RPGRIP1: variants seen among roughly 807,000 people sequenced by gnomAD.
The protein encoded by RPGRIP1 is RPGR interacting protein 1.
In RPGRIP1, 128 loss-of-function variants were observed where a neutral mutation model predicts 157.9. That is an observed-to-expected ratio of 0.81 (90% CI 0.70 to 0.94). The LOEUF (loss-of-function observed/expected upper bound fraction) is 0.94. Ranked by LOEUF, RPGRIP1 falls within the 40% of genes least tolerant of loss-of-function variation. The pLI is 0.00. For synonymous variants in RPGRIP1, 554 were observed against 571.6 expected (o/e 0.97, Z 0.44); for missense variants, 1,486 against 1,545.8 (o/e 0.96, Z 0.65).
rs1437116017 is a variant in RPGRIP1 at position 21,327,776 on chromosome 14, C to T, written c.2864C>T (p.Ser955Phe). ...KDTKDSSKIS[S>F]EEEKASFPSQ... Reference sequence around the variant, plus strand: ...ACCAAGGACAGTTCAAAGATCTCATCTGAAGAGGAAAAGGCTTCATTTCCT... The same window carrying T: ...ACCAAGGACAGTTCAAAGATCTCATTTGAAGAGGAAAAGGCTTCATTTCCT... The change falls in exon 18 of 25, where the codon TCT (serine) becomes TTT (phenylalanine). Residue 955 changes from serine to phenylalanine, a missense_variant. Ser to Phe is a radical substitution (Grantham distance 155). Transcript: ENST00000400017. 2 of 1,606,540 alleles carry T rather than the reference C, an allele frequency of 1.2e-6. No homozygotes were observed. Among genetic ancestry groups the T allele is most frequent in the Non-Finnish European group, 1.7e-6 (2 of 1,176,364 alleles).
chr14:21,310,779 A>G, intron 8 of RPGRIP1, 172 bp downstream of exon 8: 1 of 669,412 alleles, frequency 1.5e-6, no homozygotes, highest in Non-Finnish European at 2.8e-6. Context: ...CAAAAGATAC[A>G]GATACTTATT....
At chr14:21,280,873 G>A (rs992288814) in intron 1 of RPGRIP1, among the ~76,000 whole-genome samples, 3 of 152,070 alleles carry the variant, frequency 2.0e-5, no homozygotes, top group African/African-American at 7.2e-5. Context: ...GCTCAGAAAT[G>A]TATCCACTAT....
At chr14:21,296,740 A>G (rs1880798993) in intron 3 of RPGRIP1, among the ~76,000 whole-genome samples, 1 of 151,818 alleles carries the variant, frequency 6.6e-6, no homozygotes. Context: ...GTGGATCACG[A>G]GGTCAGGAGT....
chr14:21,301,693 A>AATG (rs1402360977), intron 4 of RPGRIP1, among the ~76,000 whole-genome samples: 1 of 101,744 alleles, frequency 9.8e-6, no homozygotes, highest in Non-Finnish European at 2.0e-5. Context: ...TAATAATAAT[A>AATG]ATAATAATAA....
rs760298998 is a variant in RPGRIP1 at position 21,318,140 on chromosome 14, CTT to C, written c.1306+291_1306+292del. On this transcript the variant is annotated intron_variant, in intron 11 of 24. Transcript: ENST00000400017. The stretch of plus-strand genomic sequence containing the variant: ...TTTGTTTTTGAGGTGGAGTTTCGCT[CTT>C]GTTGCTCAGGCTCGAGTGCAATGGC... The C allele has an allele frequency of 8.1e-4, 443 of 546,608 alleles. 17 individuals are homozygous for C. The highest frequency in any genetic ancestry group is 6.6e-3 in the South Asian group (430 of 65,138). The allele number at this position is 546,608 out of a possible 1,614,324, so 33.9% of individuals were successfully genotyped here. A position where few individuals can be genotyped will look rare whatever the true frequency, so the allele number is the denominator to read the frequency against.
At chr14:21,340,034 C>T (rs1215347696) in intron 21 of RPGRIP1, among the ~76,000 whole-genome samples, 3 of 151,974 alleles carry the variant, frequency 2.0e-5, no homozygotes, top group Admixed American at 1.3e-4. Flanking sequence ...GAGGAGGGGA[C>T]GTTTGAACTG....
intron 3 of RPGRIP1, among the ~76,000 whole-genome samples, chr14:21,300,705 C>CATTTTTTTTTTT (rs1378187329): frequency 1.4e-5 from 1 of 73,502 alleles, no homozygotes; most frequent in African/African-American, 5.5e-5. Context: ...AGTGGCTCAA[C>CATTTTTTTTTTT]TTTTTTTTTT....
At chr14:21,303,236 A>G in intron 5 of RPGRIP1, 95 bp from the exon 6 acceptor site, 1 of 807,690 alleles carries the variant, frequency 1.2e-6, no homozygotes, top group East Asian at 2.7e-5. Context: ...GACATGTACC[A>G]AGGTTACTGA....
At chr14:21,292,119 T>G (rs1488463543) in intron 2 of RPGRIP1, among the ~76,000 whole-genome samples, 1 of 152,020 alleles carries the variant, frequency 6.6e-6, no homozygotes, top group Non-Finnish European at 1.5e-5. Context: ...CTCAAACTCC[T>G]GAACTCAAGC....
chr14:21,291,759 CTGTTTTT>C (rs1401893349), intron 2 of RPGRIP1, among the ~76,000 whole-genome samples: 5 of 151,688 alleles, frequency 3.3e-5, no homozygotes, highest in African/African-American at 9.7e-5. Context: ...TTTTTGTTTT[CTGTTTTT>C]TGTTTTTTGT....
Position 21,297,834 on chromosome 14 carries a change from ATTCT to A in RPGRIP1, c.218+3068_218+3071del, listed in dbSNP as rs55920234. On this transcript the variant is annotated intron_variant, in intron 3 of 24. Transcript: ENST00000400017. ...CTATGTTTCGGTATCTCAATAAATT[ATTCT>A]TTCTTTCTTTCTTTCTTTCTTTCTT... Among the ~76,000 whole-genome samples, 212 of 133,324 alleles carry A rather than the reference ATTCT, an allele frequency of 1.6e-3. 1 individual carries two copies. Among genetic ancestry groups the A allele is most frequent in the Middle Eastern group, 3.6e-3 (1 of 276 alleles). 87.5% of individuals were successfully genotyped at this position (133,324 alleles called of 152,430 possible).
chr14:21,308,707 T>G (rs202189569), intron 7 of RPGRIP1, among the ~76,000 whole-genome samples: 1 of 151,914 alleles, frequency 6.6e-6, no homozygotes, highest in East Asian at 1.9e-4. Flanking sequence ...CGGAAGAAGC[T>G]CCCCTGTACT....
chr14:21,314,729 A>AC (rs1053938652), intron 10 of RPGRIP1, among the ~76,000 whole-genome samples: 1 of 150,476 alleles, frequency 6.6e-6, no homozygotes, highest in African/African-American at 2.4e-5. Context: ...AAAAAAAAAA[A>AC]ATAGCCGGGC....
chr14:21,341,458 G>A (rs568847236), intron 21 of RPGRIP1, among the ~76,000 whole-genome samples: 2 of 152,168 alleles, frequency 1.3e-5, no homozygotes, highest in Non-Finnish European at 2.9e-5. Context: ...GAAAAGATGG[G>A]GTAAGAGCCG....
chr14:21,293,273 A>G (rs1341708099), intron 2 of RPGRIP1, among the ~76,000 whole-genome samples: 2 of 152,196 alleles, frequency 1.3e-5, no homozygotes, highest in African/African-American at 4.8e-5. Context: ...GCTTAGACCA[A>G]GCAGAGGCTC....
Position 21,345,121 on chromosome 14 carries a change from C to T in RPGRIP1, c.3541C>T (p.Leu1181=). The change falls in exon 23 of 25, where the codon CTG becomes TTG. Residue 1181 remains leucine, a synonymous_variant. Coordinates refer to ENST00000400017, the MANE Select transcript of RPGRIP1 (RefSeq NM_020366.4). ...IHFHFSKVID[L]DPQEQQGRRR... ...TCTTACCCTTAATACAGTAATAGAC[C>T]TGGACCCACAGGAGCAGCAAGGCCG... 1 of 1,611,424 alleles carries T rather than the reference C, an allele frequency of 6.2e-7. No homozygotes were observed. The highest frequency in any genetic ancestry group is 8.5e-7 in the Non-Finnish European group (1 of 1,177,676).
At chr14:21,309,632 G>A (rs1027714565) in intron 7 of RPGRIP1, among the ~76,000 whole-genome samples, 2 of 152,140 alleles carry the variant, frequency 1.3e-5, no homozygotes, top group Non-Finnish European at 2.9e-5. Flanking sequence ...GAGAGCAGAG[G>A]TGAGAAACAT....
intron 7 of RPGRIP1, among the ~76,000 whole-genome samples, chr14:21,309,269 T>G (rs938944525): frequency 2.0e-5 from 3 of 152,134 alleles, no homozygotes; most frequent in African/African-American, 7.2e-5. Context: ...CCCAGCACTT[T>G]GGGAGGTCAA....
chr14:21,317,858 G>A lies in RPGRIP1; in HGVS notation c.1306+8G>A. ...AGCTGTCCAGGGAGAAAGGTAGGCT[G>A]GACCTTGAAGAGCTCTCTCAAATGT... is the stretch of plus-strand genomic sequence containing the variant. On this transcript the variant is annotated splice_region_variant and intron_variant, in intron 11 of 24. Coordinates refer to ENST00000400017, the MANE Select transcript of RPGRIP1 (RefSeq NM_020366.4). 1.9e-6 allele frequency: 3 copies of A among 1,594,050 alleles called. No homozygotes were observed. The highest frequency in any genetic ancestry group is 1.7e-4 in the Middle Eastern group (1 of 6,008).
Sources: allele counts gnomAD v4.1 joint callset (sites outside exome capture counted in the v4.1 genomes callset), GRCh38; gene constraint gnomAD v4.1.1; transcripts MANE v1.5; gene names NCBI Gene and HGNC (gene_info 2026-07-23, HGNC 2026-07-21).